Variants in ADGRB3 observed in about 807,000 individuals in gnomAD.
ADGRB3 encodes the protein adhesion G protein-coupled receptor B3.
ADGRB3 carries 37 observed loss-of-function variants against 193.4 expected under a neutral mutation model. The ratio of observed to expected loss-of-function variants is 0.19; its 90% CI spans 0.15 to 0.25. The LOEUF is 0.25. ADGRB3 is among the 10% of genes least tolerant of loss of function. The probability of loss-of-function intolerance (pLI) is 1.00; values close to 1 mark genes in which losing one functional copy is unlikely to be tolerated. For missense variants in ADGRB3, 1,637 were observed against 1,852.9 expected (o/e 0.88, Z 2.14); for synonymous variants, 690 against 644.2 (o/e 1.07, Z -1.08).
Position 68,919,540 on chromosome 6 carries a change from A to G in ADGRB3, c.758-11019A>G, listed in dbSNP as rs564116405. On this transcript the variant is annotated intron_variant, in intron 3 of 31. Transcript: ENST00000370598. ...AATGAGTGAGATTTCTGGGGAAGAG[A>G]ATGTTGAGGCAGAACCTAAGGGAAA... Among the ~76,000 whole-genome samples the G allele has an allele frequency of 1.1e-4, 16 of 152,294 alleles. No individual in the cohort carries two copies. In the South Asian group the frequency reaches 3.3e-3, roughly 32 times the overall value.
At chr6:68,733,420 A>G (rs766678976) in intron 3 of ADGRB3, among the ~76,000 whole-genome samples, 1 of 151,838 alleles carries the variant, frequency 6.6e-6, no homozygotes, top group African/African-American at 2.4e-5. Context: ...GTTCTCACTT[A>G]TACAGTGTGA....
chr6:69,049,928 A>G (rs1771344113), intron 15 of ADGRB3, among the ~76,000 whole-genome samples: 1 of 152,226 alleles, frequency 6.6e-6, no homozygotes, highest in Admixed American at 6.5e-5. Flanking sequence ...TACCAAAACT[A>G]ACTTATTTGC....
intron 3 of ADGRB3, among the ~76,000 whole-genome samples, chr6:68,690,417 T>A (rs1748123639): frequency 6.6e-6 from 1 of 152,078 alleles, no homozygotes; most frequent in Non-Finnish European, 1.5e-5. Context: ...GTAGGAGAAA[T>A]GCCCTTTTTG....
intron 3 of ADGRB3, among the ~76,000 whole-genome samples, chr6:68,898,166 C>A (rs1434413644): frequency 6.6e-6 from 1 of 151,718 alleles, no homozygotes; most frequent in Non-Finnish European, 1.5e-5. Context: ...AGACCAAATC[C>A]CAAGGCCTGA....
chr6:68,940,442 G>A (rs1210464879), intron 5 of ADGRB3, among the ~76,000 whole-genome samples: 1 of 151,282 alleles, frequency 6.6e-6, no homozygotes, highest in Non-Finnish European at 1.5e-5. Context: ...ATTGCCAAAT[G>A]TCACCTGGGG....
At chr6:68,790,222 A>C (rs1346139435) in intron 3 of ADGRB3, among the ~76,000 whole-genome samples, 1 of 152,104 alleles carries the variant, frequency 6.6e-6, no homozygotes, top group Non-Finnish European at 1.5e-5. Context: ...TTGCTAGCAC[A>C]GCGTCCGAGA....
chr6:68,914,193 T>G (rs1395816367), intron 3 of ADGRB3, among the ~76,000 whole-genome samples: 2 of 150,570 alleles, frequency 1.3e-5, no homozygotes, highest in African/African-American at 2.4e-5. Context: ...ATACAGAGAA[T>G]GCCACAAAGA....
intron 13 of ADGRB3, among the ~76,000 whole-genome samples, chr6:69,032,137 A>C (rs1464590241): frequency 6.6e-6 from 1 of 152,192 alleles, no homozygotes; most frequent in Admixed American, 6.5e-5. Flanking sequence ...CTAGGTGGCA[A>C]GTGGCTTTCT....
At chr6:68,758,122 CT>C (rs1346859983) in intron 3 of ADGRB3, among the ~76,000 whole-genome samples, 1 of 151,984 alleles carries the variant, frequency 6.6e-6, no homozygotes, top group Non-Finnish European at 1.5e-5. Context: ...TCTTTTAAGC[CT>C]CATTTATTCA....
intron 3 of ADGRB3, among the ~76,000 whole-genome samples, chr6:68,913,388 A>G (rs1406014597): frequency 6.6e-6 from 1 of 152,182 alleles, no homozygotes; most frequent in Non-Finnish European, 1.5e-5. Context: ...GTGGTTCACG[A>G]AAATCCGCTG....
chr6:69,250,689 C>G (rs548528463), intron 20 of ADGRB3, among the ~76,000 whole-genome samples: 4 of 152,314 alleles, frequency 2.6e-5, no homozygotes, highest in East Asian at 1.9e-4. Flanking sequence ...ACTGACTCAT[C>G]ATTCCAGGTG....
intron 20 of ADGRB3, 22 bp from the exon 21 acceptor site, chr6:69,324,850 T>G (rs1381128649): frequency 1.2e-6 from 2 of 1,612,310 alleles, no homozygotes; most frequent in African/African-American, 2.7e-5. Flanking sequence ...GTGTGAGTCT[T>G]TTTGTTTGTT....
At chr6:68,679,437 G>A (rs1318406248) in intron 3 of ADGRB3, among the ~76,000 whole-genome samples, 2 of 152,068 alleles carry the variant, frequency 1.3e-5, no homozygotes, top group Non-Finnish European at 2.9e-5. Context: ...TTTTGGAATG[G>A]AAGAGCCACT....
At chr6:68,916,149 C>T (rs1766871586) in intron 3 of ADGRB3, among the ~76,000 whole-genome samples, 1 of 151,982 alleles carries the variant, frequency 6.6e-6, no homozygotes, top group East Asian at 1.9e-4. Context: ...CATTTTAAAA[C>T]TATGAATAAG....
At chr6:68,865,109 C>A (rs545261400) in intron 3 of ADGRB3, among the ~76,000 whole-genome samples, 8 of 152,112 alleles carry the variant, frequency 5.3e-5, no homozygotes, top group Admixed American at 2.0e-4. Context: ...GACATATATT[C>A]AAAAATATAA....
chr6:68,829,244 C>T (rs529090757), intron 3 of ADGRB3, among the ~76,000 whole-genome samples: 40 of 151,872 alleles, frequency 2.6e-4, no homozygotes, highest in African/African-American at 9.2e-4. Flanking sequence ...GGATTACAGG[C>T]TCCCGCCACC....
intron 31 of ADGRB3, among the ~76,000 whole-genome samples, chr6:69,384,484 A>C (rs1454626912): frequency 6.6e-6 from 1 of 152,108 alleles, no homozygotes; most frequent in African/African-American, 2.4e-5. Flanking sequence ...CATTACTTAA[A>C]AAAGGAGAGG....
chr6:69,014,678 A>T (rs749647888), intron 12 of ADGRB3, among the ~76,000 whole-genome samples: 1 of 152,018 alleles, frequency 6.6e-6, no homozygotes, highest in Non-Finnish European at 1.5e-5. Context: ...CCTAACTGAT[A>T]AGACAGTGAC....
intron 17 of ADGRB3, among the ~76,000 whole-genome samples, chr6:69,195,907 T>C (rs1172679027): frequency 6.6e-6 from 1 of 152,154 alleles, no homozygotes; most frequent in Non-Finnish European, 1.5e-5. Context: ...GTTTGGAGTT[T>C]AGGAAACAAC....
Sources: gnomAD v4.1 joint callset for allele counts (sites outside exome capture counted in the v4.1 genomes callset) on GRCh38, gnomAD v4.1.1 for gene constraint, MANE v1.5 for transcripts, NCBI Gene and HGNC (gene_info 2026-07-23, HGNC 2026-07-21) for gene names.